The following GPATCH2L variants were observed in gnomAD, a reference collection of about 807,000 sequenced individuals.
The protein encoded by GPATCH2L is G patch domain-containing protein 2-like.
GPATCH2L carries 31 observed loss-of-function variants against 57.4 expected under a neutral mutation model. The ratio of observed to expected loss-of-function variants is 0.54; its 90% CI spans 0.41 to 0.73. The LOEUF is 0.73. Among genes scored for constraint, GPATCH2L ranks in the 30% least tolerant of loss-of-function variants. GPATCH2L has a pLI of 0.00. For synonymous variants in GPATCH2L, 199 were observed against 210.7 expected (o/e 0.94, Z 0.48); for missense variants, 481 against 599.9 (o/e 0.80, Z 2.07).
chr14:76,212,724 G>C lies in GPATCH2L; in HGVS notation c.*10873G>C, dbSNP rs1221669249. On this transcript the variant is annotated 3_prime_UTR_variant, in exon 10 of 10. Transcript: ENST00000261530. ...ATGAAACATTTCCCCATTTGACTGT[G>C]TATTAGAGCGTACAGAAAACATAAG... 1 of 152,044 alleles carries C rather than the reference G, an allele frequency of 6.6e-6. No homozygotes were observed. The highest frequency in any genetic ancestry group is 6.6e-5 in the Admixed American group (1 of 15,242). 9.4% of individuals were successfully genotyped at this position (152,044 alleles called of 1,614,324 possible). A position where few individuals can be genotyped will look rare whatever the true frequency, so the allele number is the denominator to read the frequency against.
chr14:76,224,266 T>G (rs2040527440), intron 1 of GPATCH2L, among the ~76,000 whole-genome samples: 1 of 152,228 alleles, frequency 6.6e-6, no homozygotes, highest in Non-Finnish European at 1.5e-5. Flanking sequence ...CTAGTAGGTA[T>G]GAGGTTTCTT....
At chr14:76,190,304 A>C (rs2039920569) in intron 8 of GPATCH2L, among the ~76,000 whole-genome samples, 1 of 152,082 alleles carries the variant, frequency 6.6e-6, no homozygotes, top group African/African-American at 2.4e-5. Context: ...TTCAGCATTC[A>C]CCTTCACACT....
Position 76,202,041 on chromosome 14 carries a change from T to TA in GPATCH2L, c.*191dup. The stretch of plus-strand genomic sequence containing the variant: ...ATGTTGTGGGAATCTTTTTTTTAAA[T>TA]AGTGAAATATTGAGGCAGCAATTTT... On this transcript the variant is annotated 3_prime_UTR_variant, in exon 10 of 10. Transcript: ENST00000261530. 2.1e-6 allele frequency: 1 copy of TA among 469,072 alleles called. No homozygotes were observed. Among genetic ancestry groups the TA allele is most frequent in the African/African-American group, 2.0e-5 (1 of 49,812 alleles). 29.1% of individuals were successfully genotyped at this position (469,072 alleles called of 1,614,324 possible). A position where few individuals can be genotyped will look rare whatever the true frequency, so the allele number is the denominator to read the frequency against.
chr14:76,229,167 C>A (rs1355185565), intron 1 of GPATCH2L, among the ~76,000 whole-genome samples: 1 of 152,232 alleles, frequency 6.6e-6, no homozygotes, highest in Non-Finnish European at 1.5e-5. Context: ...GTGTCAGGAG[C>A]TAGGCTGACT....
intron 2 of GPATCH2L, among the ~76,000 whole-genome samples, chr14:76,163,356 C>T: frequency 6.6e-6 from 1 of 152,118 alleles, no homozygotes; most frequent in East Asian, 1.9e-4. Flanking sequence ...TAATAATAGC[C>T]TTCTGTATTA....
rs962941971 is a variant in GPATCH2L at position 76,204,810 on chromosome 14, T to C, written c.*2959T>C. The C allele has an allele frequency of 6.6e-6, 1 of 152,246 alleles. No individual in the cohort carries two copies. The highest frequency in any genetic ancestry group is 2.4e-5 in the African/African-American group (1 of 41,462). The allele number at this position is 152,246 out of a possible 1,614,324, so 9.4% of individuals were successfully genotyped here. ...ATGGCCTGTCTGAATCCTAGTTTAG[T>C]GTGTTTTCCACGATGGGCAGAAGTC... On this transcript the variant is annotated 3_prime_UTR_variant, in exon 10 of 10. Coordinates refer to ENST00000261530, the MANE Select transcript of GPATCH2L (RefSeq NM_017926.4).
intron 2 of GPATCH2L, among the ~76,000 whole-genome samples, chr14:76,160,634 ATATTT>A (rs1034661984): frequency 3.9e-5 from 6 of 152,244 alleles, no homozygotes; most frequent in African/African-American, 1.4e-4. Flanking sequence ...TTTTAAAAAA[ATATTT>A]TATTTTAGTT....
At chr14:76,182,363 G>GAAAAAAAAAAA (rs3059799) in intron 8 of GPATCH2L, among the ~76,000 whole-genome samples, 1 of 85,624 alleles carries the variant, frequency 1.2e-5, no homozygotes, top group Admixed American at 1.9e-4. Context: ...TCTCAGAAAA[G>GAAAAAAAAAAA]AAAAAAAAAA....
At chr14:76,152,610 G>C (rs1183157000) in intron 1 of GPATCH2L, 4 of 455,062 alleles carry the variant, frequency 8.8e-6, no homozygotes, top group African/African-American at 4.0e-5. Context: ...GTCCTCTCGA[G>C]AGTGTGCATC....
At chr14:76,155,928 A>C (rs2038286644) in intron 2 of GPATCH2L, among the ~76,000 whole-genome samples, 1 of 152,198 alleles carries the variant, frequency 6.6e-6, no homozygotes, top group African/African-American at 2.4e-5. Context: ...AGGTGGATTG[A>C]GTACTCCCAG....
At chr14:76,170,355 G>A (rs141513966) in intron 3 of GPATCH2L, among the ~76,000 whole-genome samples, 1 of 152,184 alleles carries the variant, frequency 6.6e-6, no homozygotes, top group East Asian at 1.9e-4. Flanking sequence ...ATTTTGCAAG[G>A]GGTATGTGGT....
chr14:76,190,488 A>G (rs2139775113), intron 8 of GPATCH2L, among the ~76,000 whole-genome samples: 1 of 152,248 alleles, frequency 6.6e-6, no homozygotes, highest in African/African-American at 2.4e-5. Context: ...CACTTACACT[A>G]TGAAAGAAGC....
intron 6 of GPATCH2L, 193 bp from the exon 7 acceptor site, chr14:76,177,795 C>T: frequency 1.5e-6 from 1 of 688,442 alleles, no homozygotes; most frequent in Non-Finnish European, 2.5e-6. Context: ...TTTGTCTTTA[C>T]TTAATTATTC....
At position 76,201,680 on chromosome 14, in the gene GPATCH2L, A is replaced by T. The variant is rs199853506; in HGVS notation, c.1289-11A>T. On this transcript the variant is annotated splice_polypyrimidine_tract_variant and intron_variant, in intron 9 of 9. Coordinates refer to ENST00000261530, the MANE Select transcript of GPATCH2L (RefSeq NM_017926.4). Reference sequence around the variant, plus strand: ...TTGATGTTTTGCTCCTCTCTGTTGTAACCTTACTAGTTCACATGGATGCAG... The same window carrying T: ...TTGATGTTTTGCTCCTCTCTGTTGTTACCTTACTAGTTCACATGGATGCAG... 7.3e-5 allele frequency: 117 copies of T among 1,596,052 alleles called. 1 individual carries two copies. The East Asian group carries it at 2.4e-3, about 33-fold the overall frequency.
chr14:76,171,303 G>A (rs1024772741), intron 3 of GPATCH2L, among the ~76,000 whole-genome samples: 9 of 150,620 alleles, frequency 6.0e-5, no homozygotes, highest in African/African-American at 1.5e-4. Flanking sequence ...GACTGGGCGC[G>A]GTGGCTCACG....
intron 2 of GPATCH2L, among the ~76,000 whole-genome samples, chr14:76,231,963 T>TCTCACTCCAGC: frequency 1.7e-5 from 1 of 57,732 alleles, no homozygotes. Flanking sequence ...GGCAAACACA[T>TCTCACTCCAGC]CTCACTGCAG....
chr14:76,178,781 C>T (rs1008651017), intron 7 of GPATCH2L: 1 of 152,404 alleles, frequency 6.6e-6, no homozygotes, highest in African/African-American at 2.4e-5. Context: ...GCTGACAGCT[C>T]ACCTCCTGCT....
Position 76,203,690 on chromosome 14 carries a change from C to G in GPATCH2L, c.*1839C>G, listed in dbSNP as rs1306632296. On this transcript the variant is annotated 3_prime_UTR_variant, in exon 10 of 10. Transcript: ENST00000261530. ...GCACTTCCCTTCCCTGTGGGCTGCA[C>G]CCGTAGAAGTATAGAAAATGTAATG... The G allele has an allele frequency of 6.6e-6, 1 of 152,228 alleles. No individual in the cohort carries two copies. Among genetic ancestry groups the G allele is most frequent in the East Asian group, 1.9e-4 (1 of 5,192 alleles). 9.4% of individuals were successfully genotyped at this position (152,228 alleles called of 1,614,324 possible).
intron 1 of GPATCH2L, among the ~76,000 whole-genome samples, chr14:76,219,729 G>T (rs780693405): frequency 3.3e-5 from 5 of 152,146 alleles, no homozygotes; most frequent in Non-Finnish European, 5.9e-5. Flanking sequence ...AAAGGAAAAG[G>T]TTAGGGTTTT....
Sources: allele counts gnomAD v4.1 joint callset (sites outside exome capture counted in the v4.1 genomes callset), GRCh38; gene constraint gnomAD v4.1.1; transcripts MANE v1.5; gene names NCBI Gene and HGNC (gene_info 2026-07-23, HGNC 2026-07-21).